The following ZNF544 variants were observed in gnomAD, a reference collection of about 807,000 sequenced individuals.
ZNF544 encodes zinc finger protein AF020591.
Under a neutral mutation model 13.5 loss-of-function variants are expected in ZNF544, and 10 were observed. The observed-to-expected ratio is 0.74, with a 90% confidence interval of 0.46 to 1.25. The LOEUF is 1.25. Among genes scored for constraint, ZNF544 ranks in the 50% most tolerant of loss-of-function variants. The pLI is 0.00. For synonymous variants in ZNF544, 323 were observed against 300.5 expected (o/e 1.07, Z -0.77); for missense variants, 896 against 845.6 (o/e 1.06, Z -0.74).
At position 58,273,136 on chromosome 19, in the gene ZNF544, G is replaced by A. The variant is rs2050844488; in HGVS notation, c.245-3187G>A. Among the ~76,000 whole-genome samples, 7 of 150,966 alleles carry A rather than the reference G, an allele frequency of 4.6e-5. 2 individuals carry two copies. The South Asian group carries it at 1.5e-3, about 31-fold the overall frequency. ...GCGGAGGTTGCAGTAAGCCAAGATC[G>A]CACCATTGTACTCCAGCCTGGGCAA... is the stretch of plus-strand genomic sequence containing the variant. On this transcript the variant is annotated intron_variant, in intron 5 of 6. Transcript: ENST00000595981.
At chr19:58,235,750 A>C (rs985145001) in intron 3 of ZNF544, among the ~76,000 whole-genome samples, 19 of 152,318 alleles carry the variant, frequency 1.2e-4, no homozygotes, top group Admixed American at 1.2e-3. Context: ...TTAACTTTAA[A>C]ATTTGTGTGA....
intron 3 of ZNF544, among the ~76,000 whole-genome samples, chr19:58,242,738 C>A (rs2044174373): frequency 6.6e-6 from 1 of 152,100 alleles, no homozygotes; most frequent in Non-Finnish European, 1.5e-5. Context: ...TACCCTGTTG[C>A]CCAGGCTGGA....
chr19:58,263,043 C>G lies in ZNF544; in HGVS notation c.*289C>G, dbSNP rs2147741385. 3 of 1,140,762 alleles carry G rather than the reference C, an allele frequency of 2.6e-6. No individual in the cohort carries two copies. The East Asian group carries it at 1.5e-4, about 57-fold the overall frequency. The allele number at this position is 1,140,762 out of a possible 1,614,324, so 70.7% of individuals were successfully genotyped here. ...GCCTTTAGCCAACGGTGTCAACTTA[C>G]TAGGCAGCAGAGAATTCATACTGGA... On this transcript the variant is annotated 3_prime_UTR_variant, in exon 7 of 7. Coordinates refer to ENST00000687789, the MANE Select transcript of ZNF544 (RefSeq NM_014480.4).
chr19:58,244,552 A>G (rs567633576), intron 4 of ZNF544, among the ~76,000 whole-genome samples: 1 of 152,112 alleles, frequency 6.6e-6, no homozygotes, highest in Admixed American at 6.5e-5. Flanking sequence ...GTGAGAGCAC[A>G]CATGCCCTTT....
intron 3 of ZNF544, among the ~76,000 whole-genome samples, chr19:58,237,269 G>T (rs2042614814): frequency 6.6e-6 from 1 of 151,944 alleles, no homozygotes; most frequent in African/African-American, 2.4e-5. Context: ...TTGCCATGTT[G>T]CCTAGGCTTG....
chr19:58,235,414 G>A (rs1313939606), intron 3 of ZNF544, among the ~76,000 whole-genome samples: 1 of 152,198 alleles, frequency 6.6e-6, no homozygotes, highest in Non-Finnish European at 1.5e-5. Flanking sequence ...TCATTATGGG[G>A]CACATGACGG....
At chr19:58,276,335 T>G (rs1412960890) in exon 6 of ZNF544, 2 of 1,231,526 alleles carry the variant, frequency 1.6e-6, no homozygotes, top group Non-Finnish European at 2.0e-6. Flanking sequence ...AAGGGGATGC[T>G]GCCTGGGAGC....
chr19:58,266,815 T>G (rs1276063099), downstream of ZNF544: 4 of 152,324 alleles, frequency 2.6e-5, no homozygotes, highest in Non-Finnish European at 5.9e-5. Flanking sequence ...GAATCTGATG[T>G]ATTTTGCTCT....
At chr19:58,260,648 A>G in intron 6 of ZNF544, 1 of 527,308 alleles carries the variant, frequency 1.9e-6, no homozygotes, top group Non-Finnish European at 3.3e-6. Flanking sequence ...CTTCTTTATT[A>G]TGTTTGCTTG....
Position 58,261,206 on chromosome 19 carries a change from CATTAATCATGAGAAAA to C in ZNF544, c.603_618del (p.Ile201MetfsTer23). ...AAGAGTTGAAACAAAATTCAGCTTTCATTAATCATGAGAAAAATGGAGCAGATGGGAAGCACTGTGA... is the reference window on the plus strand; with the variant it reads ...AAGAGTTGAAACAAAATTCAGCTTTCATGGAGCAGATGGGAAGCACTGTGA... On this transcript the variant is annotated frameshift_variant, in exon 7 of 7. Coordinates refer to ENST00000687789, the MANE Select transcript of ZNF544 (RefSeq NM_014480.4). LOFTEE classifies it low-confidence loss of function (END_TRUNC). The C allele has an allele frequency of 1.2e-6, 2 of 1,614,088 alleles. No homozygotes were observed. The highest frequency in any genetic ancestry group is 1.7e-6 in the Non-Finnish European group (2 of 1,180,022).
At chr19:58,259,377 C>A (rs530573617) in intron 6 of ZNF544, 2 of 152,236 alleles carry the variant, frequency 1.3e-5, no homozygotes, top group South Asian at 4.1e-4. Flanking sequence ...AACTGATATT[C>A]TAGGACTAAG....
intron 6 of ZNF544, chr19:58,259,655 ACCT>A (rs1317418948): frequency 6.6e-6 from 1 of 151,764 alleles, no homozygotes; most frequent in Non-Finnish European, 1.5e-5. Flanking sequence ...TCTTCTCATC[ACCT>A]CCTCTGTGTT....
chr19:58,265,004 C>T (rs993889221), downstream of ZNF544, among the ~76,000 whole-genome samples: 1 of 152,126 alleles, frequency 6.6e-6, no homozygotes, highest in African/African-American at 2.4e-5. Context: ...ACCAGAGCAA[C>T]ACTGTGTCTC....
At chr19:58,268,837 C>T (rs1381135333), downstream of ZNF544, among the ~76,000 whole-genome samples, 3 of 152,192 alleles carry the variant, frequency 2.0e-5, no homozygotes, top group East Asian at 1.9e-4. Context: ...GAACGTACTA[C>T]GTGCCTGTGA....
chr19:58,264,384 C>CTAAA (rs2049569413), downstream of ZNF544, among the ~76,000 whole-genome samples: 1 of 91,246 alleles, frequency 1.1e-5, no homozygotes, highest in African/African-American at 4.1e-5. Flanking sequence ...AACTTCATCT[C>CTAAA]AAAAAAAAAA....
chr19:58,245,546 C>T (rs532811283), intron 4 of ZNF544, among the ~76,000 whole-genome samples: 9 of 151,858 alleles, frequency 5.9e-5, no homozygotes, highest in African/African-American at 1.9e-4. Context: ...GTGATCTGCC[C>T]GCCTCGGCCT....
chr19:58,273,430 C>T (rs935814770), intron 5 of ZNF544, among the ~76,000 whole-genome samples: 9 of 152,244 alleles, frequency 5.9e-5, no homozygotes, highest in African/African-American at 1.7e-4. Context: ...ATGGCTCACG[C>T]CTGTAATCCC....
chr19:58,246,208 A>AC, intron 4 of ZNF544, 93 bp from the exon 5 acceptor site: 3 of 1,559,618 alleles, frequency 1.9e-6, no homozygotes, highest in Non-Finnish European at 2.6e-6. Context: ...TATGAATTTT[A>AC]CGGGGGGACA....
intron 3 of ZNF544, among the ~76,000 whole-genome samples, chr19:58,242,806 C>T (rs1381552571): frequency 1.3e-5 from 2 of 152,162 alleles, no homozygotes; most frequent in South Asian, 2.1e-4. Context: ...TCAAGGGATT[C>T]TCCTGCCTCA....
Sources: allele counts gnomAD v4.1 joint callset (sites outside exome capture counted in the v4.1 genomes callset), GRCh38; gene constraint gnomAD v4.1.1; transcripts MANE v1.5; gene names NCBI Gene and HGNC (gene_info 2026-07-23, HGNC 2026-07-21).